ESYT3: variants seen among roughly 807,000 people sequenced by gnomAD.
ESYT3 encodes extended synaptotagmin-3.
Under a neutral mutation model 111.5 loss-of-function variants are expected in ESYT3, and 101 were observed. The observed-to-expected ratio is 0.91, with a 90% CI of 0.77 to 1.07. The LOEUF is 1.07. ESYT3 is among the 50% of genes least tolerant of loss of function. ESYT3 has a pLI of 0.00. For synonymous variants in ESYT3, 416 were observed against 446.8 expected, an observed-to-expected ratio of 0.93 and a Z score of 0.87; for missense variants, 1,097 against 1,109.4, an observed-to-expected ratio of 0.99 and a Z score of 0.16.
At chr3:138,462,319 A>C in intron 8 of ESYT3, 113 bp downstream of exon 8, 2 of 1,453,096 alleles carry the variant, frequency 1.4e-6, no homozygotes, top group Non-Finnish European at 1.9e-6. Context: ...TGACAGTCCC[A>C]GAAAAATGGT....
intron 9 of ESYT3, 140 bp downstream of exon 9, chr3:138,464,655 C>G: frequency 5.3e-6 from 5 of 940,946 alleles, no homozygotes; most frequent in Non-Finnish European, 8.0e-6. Context: ...TACCAGGCTT[C>G]CAGACTGGGT....
downstream of ESYT3, chr3:138,480,270 A>ATGT (rs571398464): frequency 7.0e-4 from 106 of 152,312 alleles, no homozygotes; most frequent in African/African-American, 2.4e-3. Flanking sequence ...TGAAACAGAA[A>ATGT]TGTTGAAAGT....
chr3:138,447,643 G>C (rs1302481234), intron 1 of ESYT3, among the ~76,000 whole-genome samples: 1 of 152,208 alleles, frequency 6.6e-6, no homozygotes, highest in South Asian at 2.1e-4. Context: ...GAGAATCAAT[G>C]AACAATTAGA....
At chr3:138,470,450 T>G (rs935541893) in intron 16 of ESYT3, 1 of 1,109,896 alleles carries the variant, frequency 9.0e-7, no homozygotes, top group Non-Finnish European at 1.1e-6. Flanking sequence ...AATAATGGTG[T>G]ACTTTAAAAA....
At chr3:138,439,552 G>A (rs980445824) in intron 1 of ESYT3, among the ~76,000 whole-genome samples, 4 of 152,202 alleles carry the variant, frequency 2.6e-5, no homozygotes, top group African/African-American at 9.6e-5. Flanking sequence ...CCTGCGTGGA[G>A]CTCTGCAGCC....
intron 8 of ESYT3, among the ~76,000 whole-genome samples, chr3:138,462,649 G>A (rs1201976255): frequency 6.6e-6 from 1 of 152,134 alleles, no homozygotes; most frequent in East Asian, 1.9e-4. Context: ...TCACTTATAA[G>A]TCATGGTTTA....
chr3:138,470,455 T>C lies in ESYT3; in HGVS notation c.1590+309T>C. On this transcript the variant is annotated intron_variant, in intron 16 of 22. Transcript: ENST00000389567. ...ACAGGACATTAATAATGGTGTACTT[T>C]AAAAAATATATGTTTCATTTAATCT... 3 of 1,107,400 alleles carry C rather than the reference T, an allele frequency of 2.7e-6. No individual in the cohort carries two copies. The South Asian group carries it at 1.0e-4, about 37-fold the overall frequency. 68.6% of individuals were successfully genotyped at this position (1,107,400 alleles called of 1,614,324 possible). A position where few individuals can be genotyped will look rare whatever the true frequency, so the allele number is the denominator to read the frequency against.
intron 7 of ESYT3, among the ~76,000 whole-genome samples, chr3:138,461,499 G>A (rs903099843): frequency 6.6e-6 from 1 of 152,182 alleles, no homozygotes; most frequent in Non-Finnish European, 1.5e-5. Flanking sequence ...AGACTCAGGG[G>A]AGGGCTGCTG....
intron 20 of ESYT3, among the ~76,000 whole-genome samples, chr3:138,475,822 G>C (rs895130885): frequency 6.6e-6 from 1 of 152,152 alleles, no homozygotes; most frequent in African/African-American, 2.4e-5. Flanking sequence ...CCAGCTACTC[G>C]GGAGGCTGAG....
intron 7 of ESYT3, 61 bp downstream of exon 7, chr3:138,460,727 G>T: frequency 6.5e-7 from 1 of 1,538,344 alleles, no homozygotes; most frequent in Non-Finnish European, 9.0e-7. Flanking sequence ...GGGCTCTGCA[G>T]CCAGTGACAG....
Position 138,473,561 on chromosome 3 carries a change from C to G in ESYT3, c.2263C>G (p.Leu755Val). The G allele has an allele frequency of 6.2e-7, 1 of 1,613,682 alleles. No individual in the cohort carries two copies. Among genetic ancestry groups the G allele is most frequent in the Non-Finnish European group, 8.5e-7 (1 of 1,179,686 alleles). Residue 755 changes from leucine (L) to valine (V), a missense_variant, in exon 19 of 23, where the codon CTG becomes GTG. By Grantham distance (32) the Leu-to-Val change is conservative. Coordinates refer to ENST00000389567, the MANE Select transcript of ESYT3 (RefSeq NM_031913.5). Reference protein sequence around the residue: ...IEGGDLRRRQLGEIQLTVRYV... With the variant: ...IEGGDLRRRQVGEIQLTVRYV... ...AGGTGGGGACCTCAGGCGACGGCAG[C>G]TGGGTGAGATTCAGCTCACAGTGCG... is the stretch of plus-strand genomic sequence containing the variant.
chr3:138,460,270 G>A (rs753017585), intron 6 of ESYT3, among the ~76,000 whole-genome samples: 4 of 152,174 alleles, frequency 2.6e-5, no homozygotes, highest in Non-Finnish European at 4.4e-5. Context: ...AATTGGAGCC[G>A]AGGCTCAAAC....
chr3:138,434,740 G>C lies in ESYT3; in HGVS notation c.-59G>C, dbSNP rs896581766. 2.2e-6 allele frequency: 3 copies of C among 1,390,476 alleles called. No homozygotes were observed. The highest frequency in any genetic ancestry group is 1.9e-6 in the Non-Finnish European group (2 of 1,049,082). 86.1% of individuals were successfully genotyped at this position (1,390,476 alleles called of 1,614,324 possible). On this transcript the variant is annotated 5_prime_UTR_variant, in exon 1 of 23. Coordinates refer to ENST00000389567, the MANE Select transcript of ESYT3 (RefSeq NM_031913.5). ...GGGAGACAGATGCGCATGGGCGTGG[G>C]GGCATGCGGACCTAAGCTCGGGTGA...
chr3:138,451,220 C>A (rs2031903176), intron 1 of ESYT3, among the ~76,000 whole-genome samples: 1 of 152,134 alleles, frequency 6.6e-6, no homozygotes. Flanking sequence ...GCAGGTGGAG[C>A]TGGAGTGGTT....
rs138072341 is a variant in ESYT3, at chr3:138,476,813, T to G, written c.2625-5T>G. 7.4e-6 allele frequency: 12 copies of G among 1,613,984 alleles called. No individual in the cohort carries two copies. The highest frequency in any genetic ancestry group is 9.3e-6 in the Non-Finnish European group (11 of 1,179,868). On this transcript the variant is annotated splice_polypyrimidine_tract_variant and splice_region_variant and intron_variant, in intron 22 of 22. Transcript: ENST00000389567. ...ACGTTAAGTCCAAACGTAACTGTCT[T>G]ACAGGTATGAGCTGACTCCAAATGG...
chr3:138,475,329 T>C (rs1365778345), intron 20 of ESYT3, among the ~76,000 whole-genome samples: 1 of 152,006 alleles, frequency 6.6e-6, no homozygotes, highest in Admixed American at 6.6e-5. Flanking sequence ...AGGGAAGAGG[T>C]TTAACATTTG....
At position 138,468,804 on chromosome 3, in the gene ESYT3, A is replaced by C; in HGVS notation, c.1372-15A>C. On this transcript the variant is annotated splice_polypyrimidine_tract_variant and intron_variant, in intron 13 of 22. Transcript: ENST00000389567. ...TGTCCTGTGTTGCTTTAACCCCGTT[A>C]TTCCTGTGCTGCAGAGAAACCCTTT... 2 of 1,614,176 alleles carry C rather than the reference A, an allele frequency of 1.2e-6. No homozygotes were observed. The highest frequency in any genetic ancestry group is 1.7e-6 in the Non-Finnish European group (2 of 1,180,014).
rs147367719 is a variant in ESYT3, at chr3:138,477,975, T to C, written c.*1121T>C. 2 of 152,332 alleles carry C rather than the reference T, an allele frequency of 1.3e-5. No homozygotes were observed. The highest frequency in any genetic ancestry group is 2.4e-5 in the African/African-American group (1 of 41,578). The allele number at this position is 152,332 out of a possible 1,614,324, so 9.4% of individuals were successfully genotyped here. On this transcript the variant is annotated 3_prime_UTR_variant, in exon 23 of 23. Transcript: ENST00000389567. ...CCAGTTTCCTGCCATCTGATTCACA[T>C]GCAGATGTTCTATTCCAGAGTAGTC...
intron 2 of ESYT3, 95 bp from the exon 3 acceptor site, chr3:138,455,099 C>T: frequency 6.8e-7 from 1 of 1,464,376 alleles, no homozygotes; most frequent in Non-Finnish European, 9.4e-7. Context: ...ACCCCAAGAC[C>T]AGGCTGCAGA....
Sources: gnomAD v4.1 joint callset for allele counts (sites outside exome capture counted in the v4.1 genomes callset) on GRCh38, gnomAD v4.1.1 for gene constraint, MANE v1.5 for transcripts, NCBI Gene and HGNC (gene_info 2026-07-23, HGNC 2026-07-21) for gene names.